SGCD: variants seen among roughly 807,000 people sequenced by gnomAD.
SGCD encodes the protein delta-sarcoglycan.
A neutral mutation model predicts 36.6 loss-of-function variants in SGCD; 18 were observed. That is an observed-to-expected ratio of 0.49 (90% CI 0.34 to 0.73). The LOEUF (loss-of-function observed/expected upper bound fraction) is 0.73. Among genes scored for constraint, SGCD ranks in the 30% least tolerant of loss-of-function variants. The probability of loss-of-function intolerance (pLI) is 0.01; values close to 1 mark genes in which losing one functional copy is unlikely to be tolerated. For synonymous variants in SGCD, 133 were observed against 130.6 expected (o/e 1.02, Z -0.12); for missense variants, 387 against 346.7 (o/e 1.12, Z -0.92).
intron 1 of SGCD, among the ~76,000 whole-genome samples, chr5:155,963,778 A>T (rs946812900): frequency 6.6e-6 from 1 of 152,020 alleles, no homozygotes; most frequent in African/African-American, 2.4e-5. Context: ...GTAGGGACTT[A>T]TTTTAAAAAT....
chr5:156,673,339 T>C (rs1426689488), intron 7 of SGCD, among the ~76,000 whole-genome samples: 2 of 152,210 alleles, frequency 1.3e-5, no homozygotes, highest in African/African-American at 4.8e-5. Flanking sequence ...AAACTTCACA[T>C]TCCTTTTTTG....
intron 1 of SGCD, among the ~76,000 whole-genome samples, chr5:155,990,186 T>A (rs1272639734): frequency 1.3e-5 from 2 of 152,284 alleles, no homozygotes; most frequent in East Asian, 3.9e-4. Flanking sequence ...TCACTGTTTT[T>A]TAAACTAAAG....
At chr5:155,926,926 A>G (rs1468453288) in intron 1 of SGCD, among the ~76,000 whole-genome samples, 1 of 152,176 alleles carries the variant, frequency 6.6e-6, no homozygotes, top group Non-Finnish European at 1.5e-5. Context: ...TACCTTGGCA[A>G]TGTCCAGAGA....
At chr5:156,168,384 A>ATT (rs1203134376) in intron 3 of SGCD, among the ~76,000 whole-genome samples, 1 of 151,348 alleles carries the variant, frequency 6.6e-6, no homozygotes, top group African/African-American at 2.4e-5. Flanking sequence ...AAAAAAAAAA[A>ATT]AATGGGCAAC....
upstream of SGCD, among the ~76,000 whole-genome samples, chr5:155,868,360 C>CTTTTTTTT (rs10532701): frequency 3.7e-4 from 41 of 110,610 alleles, no homozygotes; most frequent in Non-Finnish European, 5.6e-4. Context: ...CCCTTTTTTT[C>CTTTTTTTT]TTTTTTTTTT....
intron 1 of SGCD, among the ~76,000 whole-genome samples, chr5:155,929,282 C>G (rs1449768944): frequency 6.6e-6 from 1 of 152,192 alleles, no homozygotes; most frequent in African/African-American, 2.4e-5. Context: ...TAGCATTGTA[C>G]ATACTTGCTC....
At chr5:156,042,663 G>A (rs1759665997) in intron 1 of SGCD, among the ~76,000 whole-genome samples, 1 of 152,186 alleles carries the variant, frequency 6.6e-6, no homozygotes, top group Non-Finnish European at 1.5e-5. Flanking sequence ...TGGTTCATTT[G>A]TGTGCTCAGT....
chr5:156,531,308 A>G lies in SGCD; in HGVS notation c.294+22606A>G, dbSNP rs566905809. ...CTTTGTAGCCTCCAGGACTATAAGAAAGTTAATTTCTATTGTCTGTAAATT... is the reference window on the plus strand; with the variant it reads ...CTTTGTAGCCTCCAGGACTATAAGAGAGTTAATTTCTATTGTCTGTAAATT... On this transcript the variant is annotated intron_variant, in intron 4 of 8. Coordinates refer to ENST00000337851, the MANE Select transcript of SGCD (RefSeq NM_000337.6). Among the ~76,000 whole-genome samples the G allele has an allele frequency of 1.1e-4, 17 of 152,316 alleles. No individual in the cohort carries two copies. In the South Asian group the frequency reaches 3.5e-3, roughly 32 times the overall value.
At position 156,532,302 on chromosome 5, in the gene SGCD, T is replaced by G. The variant is rs544009216; in HGVS notation, c.294+23600T>G. 1.4e-4 allele frequency among the ~76,000 whole-genome samples: 21 copies of G among 152,288 alleles called. No individual in the cohort carries two copies. In the South Asian group the frequency reaches 4.3e-3, roughly 32 times the overall value. On this transcript the variant is annotated intron_variant, in intron 4 of 8. Coordinates refer to ENST00000337851, the MANE Select transcript of SGCD (RefSeq NM_000337.6). ...TTAAAATATCTGCTGTTGCAGAGAT[T>G]GAATGAACTACTAGATGTGAAAGTA...
chr5:156,737,909 C>A (rs747454266), intron 7 of SGCD, among the ~76,000 whole-genome samples: 10 of 152,180 alleles, frequency 6.6e-5, no homozygotes, highest in Non-Finnish European at 1.5e-4. Flanking sequence ...ACAGGCATCT[C>A]CTCCTAATCC....
chr5:155,793,062 C>G, the SGCD span, among the ~76,000 whole-genome samples: 1 of 152,142 alleles, frequency 6.6e-6, no homozygotes, highest in Non-Finnish European at 1.5e-5. Context: ...CCGTGGAATA[C>G]TATGCAGCCA....
At position 156,072,582 on chromosome 5, in the gene SGCD, C is replaced by T. The variant is rs533927654; in HGVS notation, c.-281-45296C>T. 2.7e-3 allele frequency among the ~76,000 whole-genome samples: 404 copies of T among 152,152 alleles called. 1 individual carries two copies. Among genetic ancestry groups the T allele is most frequent in the African/African-American group, 9.3e-3 (385 of 41,464 alleles). On this transcript the variant is annotated intron_variant, in intron 1 of 9. Transcript: ENST00000517913. The stretch of plus-strand genomic sequence containing the variant: ...CTTAACATTTTTTCCTTCATTTCAA[C>T]TTTGGTGAATCTGACAATTATGTGT...
intron 1 of SGCD, among the ~76,000 whole-genome samples, chr5:156,070,778 G>A (rs962027736): frequency 1.1e-4 from 17 of 152,214 alleles, no homozygotes; most frequent in African/African-American, 4.1e-4. Context: ...TTTTTGGTTG[G>A]TAAGCTATTG....
chr5:155,811,069 G>A, the SGCD span, among the ~76,000 whole-genome samples: 1 of 151,588 alleles, frequency 6.6e-6, no homozygotes, highest in African/African-American at 2.4e-5. Context: ...CGCCCGCCTC[G>A]GCCTCCCAAA....
intron 4 of SGCD, among the ~76,000 whole-genome samples, chr5:156,545,346 T>G (rs1561768992): frequency 6.6e-6 from 1 of 152,136 alleles, no homozygotes; most frequent in Non-Finnish European, 1.5e-5. Context: ...ACTGCCACTG[T>G]TTCCATGGTT....
At chr5:156,643,299 TG>T (rs1763108349) in intron 6 of SGCD, among the ~76,000 whole-genome samples, 1 of 152,170 alleles carries the variant, frequency 6.6e-6, no homozygotes, top group Non-Finnish European at 1.5e-5. Flanking sequence ...TCCAAAATGC[TG>T]GGATTACAGG....
intron 3 of SGCD, among the ~76,000 whole-genome samples, chr5:156,447,068 T>G (rs1753782750): frequency 6.6e-6 from 1 of 152,056 alleles, no homozygotes. Flanking sequence ...CTAGACAGGA[T>G]TCTAAGGATG....
chr5:156,744,775 A>C (rs549398927), intron 7 of SGCD, among the ~76,000 whole-genome samples: 35 of 152,344 alleles, frequency 2.3e-4, no homozygotes, highest in African/African-American at 8.4e-4. Context: ...TGTGATTCTC[A>C]GAAAGTTGGC....
intron 6 of SGCD, among the ~76,000 whole-genome samples, chr5:156,636,323 ATTC>A (rs1345583064): frequency 1.3e-5 from 2 of 152,310 alleles, no homozygotes; most frequent in Non-Finnish European, 2.9e-5. Flanking sequence ...CTTCTTTTTC[ATTC>A]TTCAGTTTTT....
Sources: allele counts gnomAD v4.1 joint callset (sites outside exome capture counted in the v4.1 genomes callset), GRCh38; gene constraint gnomAD v4.1.1; transcripts MANE v1.5; gene names NCBI Gene and HGNC (gene_info 2026-07-23, HGNC 2026-07-21).